The following FAM171A1 variants were observed in gnomAD, a reference collection of about 807,000 sequenced individuals.
FAM171A1 encodes the protein family with sequence similarity 171 member A1.
Under a neutral mutation model 74.9 loss-of-function variants are expected in FAM171A1, and 23 were observed. The observed-to-expected ratio is 0.31, with a 90% CI of 0.22 to 0.44. The LOEUF is 0.44. Ranked by LOEUF, FAM171A1 falls within the 20% of genes least tolerant of loss-of-function variation. The pLI, the probability that FAM171A1 is intolerant of heterozygous loss-of-function variation, is 1.00. For synonymous variants in FAM171A1, 527 were observed against 505.7 expected (o/e 1.04, Z -0.57); for missense variants, 1,162 against 1,159.2 (o/e 1.00, Z -0.03).
chr10:15,249,103 T>TC (rs1466641469), intron 4 of FAM171A1, among the ~76,000 whole-genome samples: 9 of 146,664 alleles, frequency 6.1e-5, no homozygotes, highest in South Asian at 2.1e-4. Flanking sequence ...TTTTTCTTTT[T>TC]TTTTTTTTTT....
intron 6 of FAM171A1, among the ~76,000 whole-genome samples, chr10:15,218,413 T>C (rs1001759086): frequency 1.8e-4 from 28 of 152,292 alleles, no homozygotes; most frequent in African/African-American, 6.0e-4. Context: ...AGTACGATTC[T>C]TTATAAAATT....
chr10:15,268,112 C>A (rs1834771593), intron 3 of FAM171A1, among the ~76,000 whole-genome samples: 1 of 152,100 alleles, frequency 6.6e-6, no homozygotes, highest in Non-Finnish European at 1.5e-5. Flanking sequence ...TAGCCTCGTC[C>A]CTTCCTTACC....
intron 3 of FAM171A1, among the ~76,000 whole-genome samples, chr10:15,260,588 C>T (rs1164152290): frequency 6.6e-6 from 1 of 152,148 alleles, no homozygotes; most frequent in Non-Finnish European, 1.5e-5. Context: ...TTAAACCAGG[C>T]GTTCTGTGAA....
Position 15,371,140 on chromosome 10 carries a change from T to G in FAM171A1, c.-88A>C. On this transcript the variant is annotated 5_prime_UTR_variant, in exon 1 of 8. Coordinates refer to ENST00000378116, the MANE Select transcript of FAM171A1 (RefSeq NM_001010924.2). ...CGGGCGGCCGGGCGCCGCGCCCCCCTCCATGTCGCTGGCTCCGCGCGCCGG... is the reference window on the plus strand; with the variant it reads ...CGGGCGGCCGGGCGCCGCGCCCCCCGCCATGTCGCTGGCTCCGCGCGCCGG... The G allele has an allele frequency of 4.8e-6, 2 of 413,296 alleles. No homozygotes were observed. Among genetic ancestry groups the G allele is most frequent in the Non-Finnish European group, 6.3e-6 (2 of 315,748 alleles). 25.6% of individuals were successfully genotyped at this position (413,296 alleles called of 1,614,324 possible).
chr10:15,301,283 G>A (rs961286631), intron 1 of FAM171A1, among the ~76,000 whole-genome samples: 1 of 151,888 alleles, frequency 6.6e-6, no homozygotes, highest in South Asian at 2.1e-4. Context: ...AGCAATTTTC[G>A]AGCCTCAGCC....
intron 3 of FAM171A1, among the ~76,000 whole-genome samples, chr10:15,263,685 A>G (rs1407621051): frequency 6.6e-6 from 1 of 151,934 alleles, no homozygotes; most frequent in African/African-American, 2.4e-5. Flanking sequence ...CTATCTATCT[A>G]TGCATCTATC....
At chr10:15,266,261 G>A (rs558808701) in intron 3 of FAM171A1, among the ~76,000 whole-genome samples, 27 of 152,248 alleles carry the variant, frequency 1.8e-4, no homozygotes, top group African/African-American at 5.5e-4. Flanking sequence ...GAAAGGGGAC[G>A]AGAGCTGCTG....
At position 15,213,975 on chromosome 10, in the gene FAM171A1, T is replaced by G. The variant is rs770538157; in HGVS notation, c.1613A>C (p.Glu538Ala). 2 of 1,614,034 alleles carry G rather than the reference T, an allele frequency of 1.2e-6. No homozygotes were observed. The highest frequency in any genetic ancestry group is 1.7e-6 in the Non-Finnish European group (2 of 1,180,038). ...KEQLLDRRPT[E>A]CMMSRSVDHL... is the part of the protein sequence containing the mutation. ...ATCTACTGATCGCGACATCATACAT[T>G]CAGTGGGTCTGCGGTCCAGCAGCTG... The change falls in exon 8 of 8, where the codon GAA becomes GCA. Residue 538 changes from glutamate (E) to alanine (A), a missense_variant. Transcript: ENST00000378116. This position sits in a 1 kb window ranked among gnomAD's most constrained non-coding sequence, Gnocchi z 6.8.
intron 3 of FAM171A1, among the ~76,000 whole-genome samples, chr10:15,266,867 A>C (rs1198568729): frequency 3.2e-4 from 42 of 130,472 alleles, no homozygotes; most frequent in African/African-American, 1.2e-3. Context: ...AGACTGTTTC[A>C]AAAAAAAAAA....
chr10:15,227,719 A>G (rs991793237), intron 5 of FAM171A1, among the ~76,000 whole-genome samples: 1 of 152,210 alleles, frequency 6.6e-6, no homozygotes, highest in Non-Finnish European at 1.5e-5. Flanking sequence ...TACACAATGG[A>G]AAGACTCGGA....
intron 5 of FAM171A1, among the ~76,000 whole-genome samples, chr10:15,230,983 T>C (rs992603225): frequency 6.6e-6 from 1 of 152,306 alleles, no homozygotes; most frequent in East Asian, 1.9e-4. Flanking sequence ...ACAAGGATTG[T>C]GGGTGGCACA....
chr10:15,334,941 G>A lies in FAM171A1; in HGVS notation c.97+36015C>T, dbSNP rs538288062. 3.9e-5 allele frequency among the ~76,000 whole-genome samples: 6 copies of A among 152,238 alleles called. 1 individual carries two copies. The East Asian group carries it at 1.2e-3, about 29-fold the overall frequency. ...TGCAACAGAAATTCTACAAAATCCC[G>A]ATTCAAGATACACATAAAGGCCCAG... is the stretch of plus-strand genomic sequence containing the variant. On this transcript the variant is annotated intron_variant, in intron 1 of 7. Transcript: ENST00000378116.
chr10:15,355,139 C>T (rs929977130), intron 1 of FAM171A1, among the ~76,000 whole-genome samples: 1 of 152,226 alleles, frequency 6.6e-6, no homozygotes, highest in African/African-American at 2.4e-5. Context: ...CAGGCAAGTG[C>T]AGTGGCAGAA....
chr10:15,368,451 A>G (rs1413542441), intron 1 of FAM171A1, among the ~76,000 whole-genome samples: 7 of 152,310 alleles, frequency 4.6e-5, no homozygotes, highest in Non-Finnish European at 1.5e-5. Context: ...TAATTGCCAA[A>G]TCCTGTTGGT....
At chr10:15,281,814 T>G (rs1242780675) in intron 2 of FAM171A1, among the ~76,000 whole-genome samples, 8 of 152,108 alleles carry the variant, frequency 5.3e-5, no homozygotes, top group African/African-American at 1.7e-4. Flanking sequence ...TGAGCCAAGA[T>G]CACGCCACTG....
upstream of FAM171A1, among the ~76,000 whole-genome samples, chr10:15,374,425 A>T (rs1433171718): frequency 6.6e-6 from 1 of 152,238 alleles, no homozygotes; most frequent in Non-Finnish European, 1.5e-5. Context: ...TCAAATTAAC[A>T]TACTTGCATA....
intron 5 of FAM171A1, 21 bp from the exon 6 acceptor site, chr10:15,221,081 T>G (rs1834033691): frequency 6.3e-7 from 1 of 1,599,300 alleles, no homozygotes; most frequent in Non-Finnish European, 8.6e-7. Flanking sequence ...GAGAAAGAGA[T>G]GTTAGCTACA....
chr10:15,327,488 A>G (rs1835569895), intron 1 of FAM171A1, among the ~76,000 whole-genome samples: 1 of 152,098 alleles, frequency 6.6e-6, no homozygotes. Flanking sequence ...CATCTCTACA[A>G]AAAAACATAG....
chr10:15,311,148 A>G (rs955287320), intron 1 of FAM171A1, among the ~76,000 whole-genome samples: 8 of 152,102 alleles, frequency 5.3e-5, no homozygotes, highest in African/African-American at 1.9e-4. Context: ...AACAATACAC[A>G]TTTACAGTTG....
Sources: gnomAD v4.1 joint callset for allele counts (sites outside exome capture counted in the v4.1 genomes callset) on GRCh38, gnomAD v4.1.1 for gene constraint, Gnocchi (gnomAD v3.1) non-coding constraint, MANE v1.5 for transcripts, NCBI Gene and HGNC (gene_info 2026-07-23, HGNC 2026-07-21) for gene names.